The following UBE2G1 variants were observed in gnomAD, a reference collection of about 807,000 sequenced individuals.
The protein encoded by UBE2G1 is ubiquitin-conjugating enzyme E2 G1.
A neutral mutation model predicts 22.7 loss-of-function variants in UBE2G1; 5 were observed. The ratio of observed to expected loss-of-function variants is 0.22; its 90% CI spans 0.12 to 0.46. The LOEUF (loss-of-function observed/expected upper bound fraction) is 0.46, where lower values mean the gene tolerates loss of function less well. Ranked by LOEUF, UBE2G1 falls within the 20% of genes least tolerant of loss-of-function variation. UBE2G1 has a pLI of 0.99. For synonymous variants in UBE2G1, 74 were observed against 67.5 expected, an observed-to-expected ratio of 1.10 and a Z score of -0.47; for missense variants, 88 against 203.9, an observed-to-expected ratio of 0.43 and a Z score of 3.46.
At chr17:4,313,597 A>G (rs944748383) in intron 1 of UBE2G1, among the ~76,000 whole-genome samples, 1 of 152,192 alleles carries the variant, frequency 6.6e-6, no homozygotes, top group African/African-American at 2.4e-5. Context: ...AAACTAACCA[A>G]CAGTATTACA....
intron 1 of UBE2G1, among the ~76,000 whole-genome samples, chr17:4,310,795 T>TCTTGAAAAGTGA (rs539690393): frequency 4.1e-4 from 62 of 152,250 alleles, no homozygotes; most frequent in Non-Finnish European, 7.5e-4. Context: ...ATTCAAGTAA[T>TCTTGAAAAGTGA]CTTGAAAAGT....
At chr17:4,309,921 C>T (rs542578558) in intron 1 of UBE2G1, among the ~76,000 whole-genome samples, 2 of 152,272 alleles carry the variant, frequency 1.3e-5, no homozygotes, top group Admixed American at 1.3e-4. Context: ...CCCCCAAGTT[C>T]TTGAAATCTT....
At position 4,270,295 on chromosome 17, in the gene UBE2G1, T is replaced by C. The variant is rs1968740147; in HGVS notation, c.*2259A>G. Reference sequence around the variant, plus strand: ...CAGATTGCTAGCAGAATTATAGCAATAGGAGAGCAAAATTTGAACTCCGTT... The same window carrying C: ...CAGATTGCTAGCAGAATTATAGCAACAGGAGAGCAAAATTTGAACTCCGTT... On this transcript the variant is annotated 3_prime_UTR_variant, in exon 6 of 6. Transcript: ENST00000396981. 1 of 152,618 alleles carries C rather than the reference T, an allele frequency of 6.6e-6. No individual in the cohort carries two copies. Among genetic ancestry groups the C allele is most frequent in the Non-Finnish European group, 1.5e-5 (1 of 68,042 alleles). The allele number at this position is 152,618 out of a possible 1,614,324, so 9.5% of individuals were successfully genotyped here. A position where few individuals can be genotyped will look rare whatever the true frequency, so the allele number is the denominator to read the frequency against.
chr17:4,307,398 A>C (rs529349391), intron 1 of UBE2G1, among the ~76,000 whole-genome samples: 17 of 152,152 alleles, frequency 1.1e-4, no homozygotes, highest in Admixed American at 2.0e-4. Context: ...CTTTTAAGGA[A>C]GCTTGTTAAA....
At chr17:4,334,286 T>G (rs947154643) in intron 1 of UBE2G1, among the ~76,000 whole-genome samples, 3 of 152,106 alleles carry the variant, frequency 2.0e-5, no homozygotes, top group Admixed American at 6.5e-5. Context: ...AAAAAAATCT[T>G]TGGGAAAAAG....
chr17:4,294,188 G>A (rs1969077123), intron 3 of UBE2G1, among the ~76,000 whole-genome samples: 1 of 152,150 alleles, frequency 6.6e-6, no homozygotes, highest in South Asian at 2.1e-4. Context: ...GGCTGAGGCA[G>A]ACAGATCACA....
intron 1 of UBE2G1, among the ~76,000 whole-genome samples, chr17:4,354,585 T>A (rs1969883352): frequency 2.6e-5 from 4 of 152,150 alleles, no homozygotes; most frequent in Admixed American, 2.0e-4. Flanking sequence ...AAAATAAAAC[T>A]GTTTCTACTA....
At chr17:4,315,006 G>C (rs367943106) in intron 1 of UBE2G1, among the ~76,000 whole-genome samples, 11 of 152,338 alleles carry the variant, frequency 7.2e-5, no homozygotes, top group African/African-American at 2.6e-4. Context: ...TGAGACATTA[G>C]ACAATATCCA....
chr17:4,364,416 A>G (rs1207303936), intron 1 of UBE2G1: 1 of 141,144 alleles, frequency 7.1e-6, no homozygotes, highest in African/African-American at 2.7e-5. Context: ...CAGCCTCCCG[A>G]TTAGCTGGGA....
At chr17:4,350,556 C>T (rs1249134172) in intron 1 of UBE2G1, among the ~76,000 whole-genome samples, 1 of 152,166 alleles carries the variant, frequency 6.6e-6, no homozygotes, top group Non-Finnish European at 1.5e-5. Context: ...ACATCTGGCT[C>T]TGAACAGTGT....
chr17:4,281,501 A>AT (rs1472423598), intron 5 of UBE2G1, among the ~76,000 whole-genome samples: 1 of 152,076 alleles, frequency 6.6e-6, no homozygotes, highest in Non-Finnish European at 1.5e-5. Flanking sequence ...ATGGATTGTG[A>AT]TTTTTCAGAC....
chr17:4,311,942 A>T (rs1008092995), intron 1 of UBE2G1, among the ~76,000 whole-genome samples: 1 of 152,190 alleles, frequency 6.6e-6, no homozygotes, highest in Non-Finnish European at 1.5e-5. Flanking sequence ...GGGACAAAAA[A>T]TACATTGCTT....
chr17:4,350,136 A>G (rs1295218282), intron 1 of UBE2G1, among the ~76,000 whole-genome samples: 1 of 152,142 alleles, frequency 6.6e-6, no homozygotes, highest in Non-Finnish European at 1.5e-5. Flanking sequence ...GCAAATTTCT[A>G]TCTTACATAT....
chr17:4,316,673 C>T (rs1969378381), intron 1 of UBE2G1, among the ~76,000 whole-genome samples: 1 of 152,110 alleles, frequency 6.6e-6, no homozygotes, highest in Admixed American at 6.6e-5. Flanking sequence ...GGGCTACCGG[C>T]TAGCTGATTT....
At chr17:4,301,291 T>G (rs529429921) in intron 2 of UBE2G1, 1 of 407,264 alleles carries the variant, frequency 2.5e-6, no homozygotes, top group South Asian at 2.1e-5. Flanking sequence ...GGCACTGCTT[T>G]TCTGCCAGGT....
intron 1 of UBE2G1, among the ~76,000 whole-genome samples, chr17:4,340,022 T>A (rs1969693687): frequency 6.6e-6 from 1 of 152,222 alleles, no homozygotes; most frequent in Non-Finnish European, 1.5e-5. Context: ...CAGCCCTGGC[T>A]GTGGGCTCAA....
chr17:4,318,243 A>G (rs1969399354), intron 1 of UBE2G1, among the ~76,000 whole-genome samples: 1 of 152,190 alleles, frequency 6.6e-6, no homozygotes, highest in Admixed American at 6.5e-5. Flanking sequence ...CAGGACATAA[A>G]AGGAATACGT....
intron 1 of UBE2G1, among the ~76,000 whole-genome samples, chr17:4,338,889 G>C (rs973263998): frequency 6.6e-6 from 1 of 152,170 alleles, no homozygotes; most frequent in Non-Finnish European, 1.5e-5. Flanking sequence ...GAAGGGGCAA[G>C]TATCTTAACG....
At chr17:4,334,394 T>C (rs1007140093) in intron 1 of UBE2G1, among the ~76,000 whole-genome samples, 1 of 152,236 alleles carries the variant, frequency 6.6e-6, no homozygotes, top group Non-Finnish European at 1.5e-5. Flanking sequence ...ATAGTATCTC[T>C]AAGCCTGCTT....
Sources: gnomAD v4.1 joint callset for allele counts (sites outside exome capture counted in the v4.1 genomes callset) on GRCh38, gnomAD v4.1.1 for gene constraint, MANE v1.5 for transcripts, NCBI Gene and HGNC (gene_info 2026-07-23, HGNC 2026-07-21) for gene names.